TTN: variants seen among roughly 807,000 people sequenced by gnomAD.
TTN encodes titin.
In TTN, 1,525 loss-of-function variants were observed where a neutral mutation model predicts 3,223.0. That is an observed-to-expected ratio of 0.47 (90% CI 0.45 to 0.49). The LOEUF (loss-of-function observed/expected upper bound fraction) is 0.49, where lower values mean the gene tolerates loss of function less well. TTN is among the 20% of genes least tolerant of loss of function. TTN has a pLI of 0.00. For missense variants in TTN, 40,786 were observed against 43,424.0 expected, an observed-to-expected ratio of 0.94 and a Z score of 5.40; for synonymous variants, 14,094 against 15,161.0, an observed-to-expected ratio of 0.93 and a Z score of 5.17.
chr2:178,583,602 CTTACCATT>C lies in TTN; in HGVS notation c.65572_65575+4del. ...CTTTGCCTATAATACTCAGCAGAAT[CTTACCATT>C]TTCTGCGAGGATAGTCACTGGATCA... On this transcript the variant is annotated splice_donor_variant and splice_donor_region_variant and coding_sequence_variant and intron_variant, in exon 312 of 363. Transcript: ENST00000589042. LOFTEE classifies it high-confidence loss of function. 1 of 1,589,568 alleles carries C rather than the reference CTTACCATT, an allele frequency of 6.3e-7. No homozygotes were observed. The highest frequency in any genetic ancestry group is 1.1e-5 in the South Asian group (1 of 87,076).
rs149523263 is a variant in TTN at position 178,720,104 on chromosome 2, G to A, written c.23538C>T (p.Phe7846=). 42 of 1,613,750 alleles carry A rather than the reference G, an allele frequency of 2.6e-5. No individual in the cohort carries two copies. The Admixed American group carries it at 5.7e-4, about 22-fold the overall frequency. ...GCTGGAGGGTTGCAATGTTATCAAT[G>A]AATGAAATCCTGGTATTTTCACTCT... is the stretch of plus-strand genomic sequence containing the variant. ...IRESENTRIS[F]IDNIATLQLG... is the part of the protein sequence containing the mutation. The change falls in exon 81 of 363, where the codon TTC becomes TTT. Residue 7846 remains phenylalanine (F), a synonymous_variant. Transcript: ENST00000589042.
chr2:178,603,063 A>G, intron 282 of TTN, among the ~76,000 whole-genome samples: 1 of 151,956 alleles, frequency 6.6e-6, no homozygotes. Context: ...TCCCATAACA[A>G]TCCTTTACCT....
chr2:178,747,136 T>C, intron 47 of TTN: 1 of 1,605,996 alleles, frequency 6.2e-7, no homozygotes, highest in South Asian at 1.1e-5. Context: ...GAGTCTCTCC[T>C]GGGGGTGTGG....
intron 71 of TTN, 144 bp downstream of exon 71, chr2:178,725,224 C>T: frequency 1.1e-6 from 1 of 884,160 alleles, no homozygotes; most frequent in Non-Finnish European, 1.5e-6. Flanking sequence ...TTTGAAAGAT[C>T]AACTATGTCT....
chr2:178,580,661 T>C, intron 316 of TTN, 52 bp from the exon 317 acceptor site: 2 of 1,534,270 alleles, frequency 1.3e-6, no homozygotes, highest in Non-Finnish European at 1.8e-6. Flanking sequence ...GTCAAATGTA[T>C]TTCCAGGGAC....
Position 178,721,378 on chromosome 2 carries a change from CA to C in TTN, c.22817-177del, listed in dbSNP as rs375266291. On this transcript the variant is annotated intron_variant, in intron 78 of 362. Transcript: ENST00000589042. ...TCTTTTAAGTTAAATAATCTCATAA[CA>C]TTTTTTTTTTAGTTTTTTAAAATTT... Among the ~76,000 whole-genome samples, 134 of 151,582 alleles carry C rather than the reference CA, an allele frequency of 8.8e-4. 3 individuals carry two copies. The highest frequency in any genetic ancestry group is 2.1e-3 in the African/African-American group (85 of 41,320).
chr2:178,604,861 G>A lies in TTN; in HGVS notation c.54228C>T (p.Asp18076=), dbSNP rs1475278773. The change falls in exon 281 of 363, where the codon GAC becomes GAT. Residue 18076 remains aspartate (D), a synonymous_variant. Coordinates refer to ENST00000589042, the MANE Select transcript of TTN (RefSeq NM_001267550.2). ...PSPPRNLAVT[D]IKAESCYLTW... ...TCAAGTAGCAAGATTCAGCTTTAAT[G>A]TCAGTAACAGCAAGATTTCTTGGTG... is the stretch of plus-strand genomic sequence containing the variant. The A allele has an allele frequency of 1.9e-6, 3 of 1,612,204 alleles. No individual in the cohort carries two copies. Among genetic ancestry groups the A allele is most frequent in the East Asian group, 2.2e-5 (1 of 44,650 alleles).
intron 1 of TTN, 100 bp from the exon 2 acceptor site, chr2:178,804,755 T>C (rs1575039235): frequency 9.3e-7 from 1 of 1,075,008 alleles, no homozygotes; most frequent in Non-Finnish European, 1.4e-6. Flanking sequence ...AATGGATTGC[T>C]CCATAGGTCA....
At position 178,578,848 on chromosome 2, in the gene TTN, C is replaced by A; in HGVS notation, c.68182G>T (p.Glu22728Ter). The change falls in exon 320 of 363, where the codon GAA becomes TAA. Residue 22728 changes from glutamate to a stop codon, truncating the protein, a stop_gained. Coordinates refer to ENST00000589042, the MANE Select transcript of TTN (RefSeq NM_001267550.2). LOFTEE classifies it high-confidence loss of function. ...VSAENKYGVG[E>*]GLKSEPIVAR... is the part of the protein sequence containing the mutation. ...ACAATTGGCTCCGATTTCAGGCCTT[C>A]CCCTACACCATATTTATTTTCGGCA... The A allele has an allele frequency of 6.2e-7, 1 of 1,612,958 alleles. No individual in the cohort carries two copies. Among genetic ancestry groups the A allele is most frequent in the Non-Finnish European group, 8.5e-7 (1 of 1,179,298 alleles).
At chr2:178,681,816 T>C (rs1297042176) in intron 135 of TTN, 78 bp from the exon 136 acceptor site, 3 of 1,262,162 alleles carry the variant, frequency 2.4e-6, no homozygotes, top group Middle Eastern at 3.8e-4. Context: ...AATCAAATAA[T>C]TGAAATAATA....
chr2:178,558,258 G>C (rs1392134391), intron 327 of TTN, 23 bp from the exon 328 acceptor site: 4 of 1,591,720 alleles, frequency 2.5e-6, no homozygotes, highest in Non-Finnish European at 3.4e-6. Context: ...TATAGAAAGT[G>C]AAAGTGAAAA....
chr2:178,612,727 A>G, intron 265 of TTN, 46 bp downstream of exon 265: 1 of 1,569,112 alleles, frequency 6.4e-7, no homozygotes. Flanking sequence ...GCTCACAGGC[A>G]GATATTAGAA....
At position 178,570,721 on chromosome 2, in the gene TTN, G is replaced by C; in HGVS notation, c.75411C>G (p.Gly25137=). The C allele has an allele frequency of 6.2e-7, 1 of 1,613,540 alleles. No individual in the cohort carries two copies. The highest frequency in any genetic ancestry group is 8.5e-7 in the Non-Finnish European group (1 of 1,179,610). ...TCCACTGAATGGTTGGTATTGGTTT[G>C]CCATAAATATCTGCATCAACCTTGA... ...ESFKVDADIY[G]KPIPTIQWIK... The change falls in exon 326 of 363, where the codon GGC becomes GGG. Residue 25137 remains glycine, a synonymous_variant. Coordinates refer to ENST00000589042, the MANE Select transcript of TTN (RefSeq NM_001267550.2).
Position 178,567,939 on chromosome 2 carries a change from C to T in TTN, c.78193G>A (p.Val26065Met), listed in dbSNP as rs1371536406. The change falls in exon 326 of 363, where the codon GTG (valine) becomes ATG (methionine). Residue 26065 changes from valine to methionine, a missense_variant. Physicochemically the swap from Val to Met is conservative, Grantham distance 21 (BLOSUM62 1). Transcript: ENST00000589042. ...ACACCAACAATATTTTCAGCATACA[C>T]TCTGAATTCATATTCAATGCCTTCT... ...LEEGIEYEFR[V>M]YAENIVGVGK... The T allele has an allele frequency of 4.3e-6, 7 of 1,613,574 alleles. No homozygotes were observed. Among genetic ancestry groups the T allele is most frequent in the South Asian group, 1.1e-5 (1 of 91,074 alleles).
At chr2:178,791,860 C>T (rs980274199) in intron 10 of TTN, among the ~76,000 whole-genome samples, 2 of 152,114 alleles carry the variant, frequency 1.3e-5, no homozygotes, top group East Asian at 3.9e-4. Flanking sequence ...GTTCTGTAGA[C>T]AATCTCCTGA....
rs16866440 is a variant in TTN at position 178,701,311 on chromosome 2, C to T, written c.30599-108G>A. On this transcript the variant is annotated intron_variant, in intron 110 of 362. Transcript: ENST00000589042. ...TCAGTACTTCATAGGTATTATAGTA[C>T]GAATTCATCAGTCGGAACAAATAAA... is the stretch of plus-strand genomic sequence containing the variant. The T allele has an allele frequency of 0.072, 79,527 of 1,098,882 alleles. 3,415 individuals are homozygous for T. Among genetic ancestry groups the T allele is most frequent in the Non-Finnish European group, 0.085 (65,470 of 769,504 alleles). The allele number at this position is 1,098,882 out of a possible 1,614,324, so 68.1% of individuals were successfully genotyped here.
intron 1 of TTN, among the ~76,000 whole-genome samples, chr2:178,805,924 G>C (rs1289104137): frequency 6.6e-6 from 1 of 152,142 alleles, no homozygotes; most frequent in African/African-American, 2.4e-5. Flanking sequence ...CAGTTTCAGA[G>C]ACATTATGTG....
rs2093617928 is a variant in TTN, at chr2:178,793,489, T to C, written c.1451A>G (p.Asp484Gly). The C allele has an allele frequency of 1.2e-6, 2 of 1,614,070 alleles. No individual in the cohort carries two copies. The highest frequency in any genetic ancestry group is 2.7e-5 in the African/African-American group (2 of 74,944). ...TAVTKVVVAADKAKEQELKSR... is the reference protein window; with the variant it reads ...TAVTKVVVAAGKAKEQELKSR... ...TTTTAATTCTTGTTCCTTGGCTTTA[T>C]CGGCGGCCACTACTACCTTAGTTAC... The change falls in exon 9 of 363, where the codon GAT becomes GGT. Residue 484 changes from aspartate (D) to glycine (G), a missense_variant. Coordinates refer to ENST00000589042, the MANE Select transcript of TTN (RefSeq NM_001267550.2).
In TTN at chr2:178,581,601, T is replaced by A; in HGVS notation, c.66667A>T (p.Met22223Leu). ...QKTRFEVTGL[M>L]EDTQYQFRVY... is the part of the protein sequence containing the mutation. ...CGGAATTGATATTGTGTGTCTTCCA[T>A]CAGGCCAGTAACCTCAAAGCGGGTT... The change falls in exon 316 of 363, where the codon ATG (methionine) becomes TTG (leucine). Residue 22223 changes from methionine to leucine, a missense_variant. Physicochemically the swap from Met to Leu is conservative, Grantham distance 15. Coordinates refer to ENST00000589042, the MANE Select transcript of TTN (RefSeq NM_001267550.2). The A allele has an allele frequency of 1.9e-6, 3 of 1,612,762 alleles. No homozygotes were observed. The highest frequency in any genetic ancestry group is 2.5e-6 in the Non-Finnish European group (3 of 1,179,208).
Sources: allele counts gnomAD v4.1 joint callset (sites outside exome capture counted in the v4.1 genomes callset), GRCh38; gene constraint gnomAD v4.1.1; transcripts MANE v1.5; gene names NCBI Gene and HGNC (gene_info 2026-07-23, HGNC 2026-07-21).